GPLD1: variants seen among roughly 807,000 people sequenced by gnomAD.
The protein encoded by GPLD1 is glycosylphosphatidylinositol specific phospholipase D1.
GPLD1 carries 84 observed loss-of-function variants against 112.6 expected under a neutral mutation model. That is an observed-to-expected ratio of 0.75 (90% confidence interval 0.63 to 0.89). The LOEUF (loss-of-function observed/expected upper bound fraction) is 0.89, where lower values mean the gene tolerates loss of function less well. Ranked by LOEUF, GPLD1 falls within the 40% of genes least tolerant of loss-of-function variation. The probability of loss-of-function intolerance (pLI) is 0.00; values close to 1 mark genes in which losing one functional copy is unlikely to be tolerated. For missense variants in GPLD1, 1,044 were observed against 1,051.5 expected (o/e 0.99, Z 0.10); for synonymous variants, 386 against 403.8 (o/e 0.96, Z 0.53).
chr6:24,445,406 C>T (rs1462645007), intron 20 of GPLD1, 140 bp downstream of exon 20: 22 of 628,240 alleles, frequency 3.5e-5, no homozygotes, highest in Non-Finnish European at 2.8e-6. Flanking sequence ...CCCAAAGTTA[C>T]ACAGAATGTT....
At position 24,454,197 on chromosome 6, in the gene GPLD1, T is replaced by C. The variant is rs143280814; in HGVS notation, c.1153A>G (p.Met385Val). 2.4e-5 allele frequency: 39 copies of C among 1,609,836 alleles called. No individual in the cohort carries two copies. The highest frequency in any genetic ancestry group is 3.4e-4 in the Middle Eastern group (2 of 5,804). ...SFPYARLGWA[M>V]TSADLNQDGH... ...TCCTGGTTGAGGTCAGCTGAGGTCA[T>C]TGCCCTTAGGGAAGTGAAGGGACCC... The change falls in exon 14 of 25, where the codon ATG (methionine) becomes GTG (valine). Residue 385 changes from methionine (M) to valine (V), a missense_variant. By Grantham distance (21) the Met-to-Val change is conservative. Coordinates refer to ENST00000230036, the MANE Select transcript of GPLD1 (RefSeq NM_001503.4).
At chr6:24,490,274 A>T (rs146846949), upstream of GPLD1, among the ~76,000 whole-genome samples, 27 of 152,260 alleles carry the variant, frequency 1.8e-4, no homozygotes, top group Admixed American at 5.9e-4. Flanking sequence ...TAAGCTCACG[A>T]TATATTATCA....
intron 20 of GPLD1, among the ~76,000 whole-genome samples, chr6:24,443,242 C>T (rs954846721): frequency 1.3e-5 from 2 of 152,134 alleles, no homozygotes; most frequent in African/African-American, 4.8e-5. Context: ...GAAGAGAGCT[C>T]CCGGCTTCTA....
intron 5 of GPLD1, among the ~76,000 whole-genome samples, chr6:24,474,715 G>A (rs1763949398): frequency 6.6e-6 from 1 of 152,190 alleles, no homozygotes. Flanking sequence ...ACCAAGGCAG[G>A]CAGATCATGA....
At chr6:24,490,892 G>A (rs1764539960), upstream of GPLD1, among the ~76,000 whole-genome samples, 1 of 152,164 alleles carries the variant, frequency 6.6e-6, no homozygotes, top group Admixed American at 6.5e-5. Context: ...CAGACCTGAG[G>A]GGCAGTAGGC....
intron 12 of GPLD1, among the ~76,000 whole-genome samples, chr6:24,457,867 C>T (rs1470729494): frequency 1.3e-5 from 2 of 148,736 alleles, no homozygotes; most frequent in Admixed American, 1.3e-4. Flanking sequence ...AGCAAGACTC[C>T]ATCTCAAAAA....
chr6:24,460,841 G>C (rs143297638), intron 11 of GPLD1, among the ~76,000 whole-genome samples: 3 of 151,158 alleles, frequency 2.0e-5, no homozygotes, highest in African/African-American at 7.3e-5. Context: ...CTGGGTTCAA[G>C]CAATTCTCCT....
intron 20 of GPLD1, among the ~76,000 whole-genome samples, chr6:24,439,583 G>A (rs1762682084): frequency 6.6e-6 from 1 of 152,006 alleles, no homozygotes; most frequent in Non-Finnish European, 1.5e-5. Context: ...TAAAACAGAA[G>A]AATCTAGACA....
At chr6:24,459,432 T>C (rs1027127243) in intron 12 of GPLD1, among the ~76,000 whole-genome samples, 2 of 138,158 alleles carry the variant, frequency 1.4e-5, no homozygotes, top group African/African-American at 5.2e-5. Flanking sequence ...TTTTTGTTAC[T>C]TTTTTGTAGA....
intron 12 of GPLD1, among the ~76,000 whole-genome samples, chr6:24,457,634 G>T (rs183406020): frequency 2.6e-5 from 4 of 152,142 alleles, no homozygotes; most frequent in Admixed American, 2.0e-4. Flanking sequence ...TATAATCCTA[G>T]CACTTTGGGA....
At chr6:24,484,934 T>C (rs1311764607) in intron 2 of GPLD1, among the ~76,000 whole-genome samples, 2 of 152,218 alleles carry the variant, frequency 1.3e-5, no homozygotes, top group Non-Finnish European at 1.5e-5. Flanking sequence ...CAGAAGGGAA[T>C]GCTAACCACT....
intron 12 of GPLD1, among the ~76,000 whole-genome samples, chr6:24,459,356 T>TA (rs1561843470): frequency 6.6e-6 from 1 of 151,798 alleles, no homozygotes; most frequent in African/African-American, 2.4e-5. Context: ...CAGGAACAAG[T>TA]AGTCCTCCCA....
intron 24 of GPLD1, 124 bp from the exon 25 acceptor site, chr6:24,429,242 T>G: frequency 1.9e-6 from 1 of 527,176 alleles, no homozygotes; most frequent in Non-Finnish European, 3.3e-6. Flanking sequence ...CCAGATCCCC[T>G]GGCTTGAACT....
chr6:24,447,087 G>A (rs1762934793), intron 17 of GPLD1, 108 bp from the exon 18 acceptor site: 1 of 991,246 alleles, frequency 1.0e-6, no homozygotes, highest in Non-Finnish European at 1.5e-6. Context: ...TCATTTTGCT[G>A]AGTTTTTGCC....
chr6:24,475,109 G>A lies in GPLD1; in HGVS notation c.441+12C>T. 7.6e-7 allele frequency: 1 copy of A among 1,311,012 alleles called. No homozygotes were observed. Among genetic ancestry groups the A allele is most frequent in the Non-Finnish European group, 1.1e-6 (1 of 903,012 alleles). The allele number at this position is 1,311,012 out of a possible 1,614,324, so 81.2% of individuals were successfully genotyped here. On this transcript the variant is annotated intron_variant, in intron 5 of 24. Transcript: ENST00000230036. ...TCCCATAAAGTCATTCCCCATAAAG[G>A]GATGTACTCACAGCTCCCATGGTCC...
chr6:24,453,932 A>T, intron 14 of GPLD1, 83 bp downstream of exon 14: 2 of 826,404 alleles, frequency 2.4e-6, no homozygotes, highest in Non-Finnish European at 4.0e-6. Context: ...TCTTGTTATT[A>T]GTTACTCATC....
chr6:24,438,657 G>A (rs1206320153), intron 20 of GPLD1, among the ~76,000 whole-genome samples: 1 of 152,218 alleles, frequency 6.6e-6, no homozygotes, highest in Non-Finnish European at 1.5e-5. Context: ...GGAGCTTTCT[G>A]ATACAGGGCA....
intron 15 of GPLD1, among the ~76,000 whole-genome samples, chr6:24,449,283 C>T (rs1763006071): frequency 6.6e-6 from 1 of 151,934 alleles, no homozygotes; most frequent in South Asian, 2.1e-4. Flanking sequence ...GGGCCCTCGA[C>T]CTCCACAGTC....
In GPLD1 at chr6:24,476,211, G is replaced by T. The variant is rs891527667; in HGVS notation, c.300C>A (p.Ile100=). ...TPFLNASVHY[I]RENYPLPWEK... ...CCCAGGGAAGGGGATAGTTCTCTCG[G>T]ATATAATGAACGCTTGCATTAAGAA... Residue 100 remains isoleucine, a synonymous_variant, in exon 4 of 25, where the codon ATC becomes ATA. Coordinates refer to ENST00000230036, the MANE Select transcript of GPLD1 (RefSeq NM_001503.4). 1.3e-6 allele frequency: 2 copies of T among 1,569,472 alleles called. No homozygotes were observed. Among genetic ancestry groups the T allele is most frequent in the South Asian group, 2.3e-5 (2 of 86,172 alleles).
Sources: allele counts gnomAD v4.1 joint callset (sites outside exome capture counted in the v4.1 genomes callset), GRCh38; gene constraint gnomAD v4.1.1; transcripts MANE v1.5; gene names NCBI Gene and HGNC (gene_info 2026-07-23, HGNC 2026-07-21).